Variants in MAP3K21 observed in about 807,000 individuals in gnomAD.
MAP3K21 encodes mitogen-activated protein kinase kinase kinase 21, also known as mitogen-activated protein kinase kinase kinase MLK4.
Under a neutral mutation model 86.1 loss-of-function variants are expected in MAP3K21, and 63 were observed. The observed-to-expected ratio is 0.73, with a 90% CI of 0.60 to 0.90. The LOEUF (loss-of-function observed/expected upper bound fraction) is 0.90. MAP3K21 is among the 40% of genes least tolerant of loss of function. MAP3K21 has a pLI of 0.00. For synonymous variants in MAP3K21, 558 were observed against 564.8 expected (o/e 0.99, Z 0.17); for missense variants, 1,220 against 1,367.7 (o/e 0.89, Z 1.70).
In MAP3K21 at chr1:233,328,097, C is replaced by T. The variant is rs1662728298; in HGVS notation, c.69C>T (p.Gly23=). The T allele has an allele frequency of 2.9e-6, 4 of 1,375,446 alleles. No individual in the cohort carries two copies. The highest frequency in any genetic ancestry group is 2.6e-4 in the Middle Eastern group (1 of 3,806). 85.2% of individuals were successfully genotyped at this position (1,375,446 alleles called of 1,614,324 possible). The change falls in exon 1 of 10, where the codon GGC becomes GGT. Residue 23 remains glycine (G), a synonymous_variant. Transcript: ENST00000366624. This position sits in a 1 kb window ranked among gnomAD's most constrained non-coding sequence, Gnocchi z 8.7. ...PVSSAGGAPG[G]SASSSSTSSG... The stretch of plus-strand genomic sequence containing the variant: ...CCTCGGCCGGGGGAGCCCCCGGCGG[C>T]TCAGCGTCCTCGTCGTCCACCTCCT...
Position 233,379,332 on chromosome 1 carries a change from C to T in MAP3K21, c.2326C>T (p.Pro776Ser). The T allele has an allele frequency of 6.2e-7, 1 of 1,614,198 alleles. No homozygotes were observed. Among genetic ancestry groups the T allele is most frequent in the Non-Finnish European group, 8.5e-7 (1 of 1,180,032 alleles). Residue 776 changes from proline to serine, a missense_variant, in exon 9 of 10, where the codon CCT (proline) becomes TCT (serine). Physicochemically the swap from Pro to Ser is moderately conservative, Grantham distance 74. Around this residue, in one of 5 missense-constraint regions of MAP3K21, gnomAD observed 632 missense variants for 691.3 expected, o/e 0.91. Coordinates refer to ENST00000366624, the MANE Select transcript of MAP3K21 (RefSeq NM_032435.3). The stretch of plus-strand genomic sequence containing the variant: ...TTCCAAGTCCCGCAGAAGCGCCAGT[C>T]CTCCCACAAGCCTGCCATCCACCTG... ...RASKSRRSAS[P>S]PTSLPSTCGE...
intron 1 of MAP3K21, among the ~76,000 whole-genome samples, chr1:233,329,704 A>G (rs1394272173): frequency 2.6e-5 from 4 of 152,148 alleles, no homozygotes; most frequent in Non-Finnish European, 4.4e-5. Context: ...TATTGGTTCA[A>G]TGGCTTCTTT....
chr1:233,353,713 T>C (rs905391517), intron 2 of MAP3K21, 94 bp from the exon 3 acceptor site: 78 of 1,186,380 alleles, frequency 6.6e-5, no homozygotes, highest in Admixed American at 4.4e-4. Flanking sequence ...CTATTAGGAA[T>C]GGATGAAGGT....
At chr1:233,354,196 A>G (rs1319107194) in intron 3 of MAP3K21, among the ~76,000 whole-genome samples, 1 of 152,142 alleles carries the variant, frequency 6.6e-6, no homozygotes, top group South Asian at 2.1e-4. Flanking sequence ...ATAAAACTCA[A>G]CTGAAAAGTA....
intron 1 of MAP3K21, among the ~76,000 whole-genome samples, chr1:233,345,864 G>T (rs536016423): frequency 6.6e-5 from 10 of 151,998 alleles, no homozygotes; most frequent in Non-Finnish European, 1.3e-4. Context: ...CTCTACATTG[G>T]CAGGAGGCTG....
At position 233,382,539 on chromosome 1, in the gene MAP3K21, C is replaced by G; in HGVS notation, c.2939C>G (p.Pro980Arg). 1 of 1,614,178 alleles carries G rather than the reference C, an allele frequency of 6.2e-7. No homozygotes were observed. Among genetic ancestry groups the G allele is most frequent in the Non-Finnish European group, 8.5e-7 (1 of 1,180,026 alleles). Residue 980 changes from proline to arginine, a missense_variant, in exon 10 of 10, where the codon CCA becomes CGA. Pro to Arg is a moderately radical substitution (Grantham distance 103). This residue lies in a region of MAP3K21 where 632 missense variants were observed against 691.3 expected (regional missense o/e 0.91). Transcript: ENST00000366624. ...QTACVVGRPGPHPTQFLAAKE... is the reference protein window; with the variant it reads ...QTACVVGRPGRHPTQFLAAKE... Reference sequence around the variant, plus strand: ...GCCTGTGTAGTGGGTCGCCCAGGACCACATCCCACCCAATTCCTCGCTGCC... The same window carrying G: ...GCCTGTGTAGTGGGTCGCCCAGGACGACATCCCACCCAATTCCTCGCTGCC...
Position 233,385,070 on chromosome 1 carries a change from G to C in MAP3K21, c.*2359G>C, listed in dbSNP as rs1257939578. On this transcript the variant is annotated 3_prime_UTR_variant, in exon 10 of 10. Coordinates refer to ENST00000366624, the MANE Select transcript of MAP3K21 (RefSeq NM_032435.3). Reference sequence around the variant, plus strand: ...TGGGCCTAATGTGCTGTATTATGAAGCCTTGTGACTGAAAAATATGTTTAC... The same window carrying C: ...TGGGCCTAATGTGCTGTATTATGAACCCTTGTGACTGAAAAATATGTTTAC... 1 of 152,180 alleles carries C rather than the reference G, an allele frequency of 6.6e-6. No homozygotes were observed. Among genetic ancestry groups the C allele is most frequent in the African/African-American group, 2.4e-5 (1 of 41,432 alleles). 9.4% of individuals were successfully genotyped at this position (152,180 alleles called of 1,614,324 possible).
intron 1 of MAP3K21, among the ~76,000 whole-genome samples, chr1:233,339,252 CTTCTTCTTCTTCT>C: frequency 1.4e-5 from 1 of 69,672 alleles, no homozygotes; most frequent in South Asian, 5.5e-4. Context: ...TCTTCTTCTT[CTTCTTCTTCTTCT>C]TCCTCTTCTT....
intron 4 of MAP3K21, among the ~76,000 whole-genome samples, chr1:233,355,446 T>C (rs1230653511): frequency 6.6e-6 from 1 of 152,170 alleles, no homozygotes; most frequent in African/African-American, 2.4e-5. Flanking sequence ...CTGTTGGAGA[T>C]TGTTTTGAGT....
chr1:233,382,494 T>C lies in MAP3K21; in HGVS notation c.2894T>C (p.Val965Ala). 1 of 1,614,128 alleles carries C rather than the reference T, an allele frequency of 6.2e-7. No individual in the cohort carries two copies. The highest frequency in any genetic ancestry group is 1.1e-5 in the South Asian group (1 of 91,086). ...CCTCAGGCTTACCCACAGACAGCAG[T>C]GTCTCAGCTGGCACAGACTGCCTGT... ...DLPQAYPQTA[V>A]SQLAQTACVV... The change falls in exon 10 of 10, where the codon GTG becomes GCG. Residue 965 changes from valine to alanine, a missense_variant. Around this residue, in one of 5 missense-constraint regions of MAP3K21, gnomAD observed 632 missense variants for 691.3 expected, o/e 0.91. Coordinates refer to ENST00000366624, the MANE Select transcript of MAP3K21 (RefSeq NM_032435.3).
intron 1 of MAP3K21, among the ~76,000 whole-genome samples, chr1:233,332,642 T>C (rs72751993): frequency 0.048 from 7,339 of 152,246 alleles, 207 homozygotes; most frequent in South Asian, 0.099. Flanking sequence ...GCAATGGAAG[T>C]ATTTTGCAGG....
chr1:233,367,464 C>T lies in MAP3K21; in HGVS notation c.1553-4574C>T, dbSNP rs941767567. ...CTAGTGAGTACAAAGAAAATCTGAG[C>T]ACAGGCCACAGGCATTTTAACAATT... On this transcript the variant is annotated intron_variant, in intron 5 of 9. Coordinates refer to ENST00000366624, the MANE Select transcript of MAP3K21 (RefSeq NM_032435.3). Among the ~76,000 whole-genome samples the T allele has an allele frequency of 5.2e-4, 79 of 152,206 alleles. 1 individual carries two copies. Among genetic ancestry groups the T allele is most frequent in the African/African-American group, 1.9e-3 (77 of 41,442 alleles).
At chr1:233,334,121 G>A (rs1342882267) in intron 1 of MAP3K21, among the ~76,000 whole-genome samples, 2 of 150,648 alleles carry the variant, frequency 1.3e-5, no homozygotes, top group African/African-American at 2.4e-5. Flanking sequence ...CGCCTCGGCC[G>A]CCCAAAGTAC....
chr1:233,366,059 A>G (rs1663567684), intron 5 of MAP3K21, among the ~76,000 whole-genome samples: 3 of 152,238 alleles, frequency 2.0e-5, no homozygotes, highest in South Asian at 4.1e-4. Context: ...ATGAGCCTGG[A>G]TGACATTATG....
intron 2 of MAP3K21, among the ~76,000 whole-genome samples, chr1:233,353,250 T>G (rs1425879473): frequency 1.3e-5 from 2 of 152,238 alleles, no homozygotes; most frequent in East Asian, 3.8e-4. Flanking sequence ...TGTTCTTTAC[T>G]GTTCAGCAAT....
chr1:233,357,126 C>T (rs1462715147), intron 4 of MAP3K21, among the ~76,000 whole-genome samples: 2 of 152,136 alleles, frequency 1.3e-5, no homozygotes, highest in Non-Finnish European at 2.9e-5. Context: ...GTAGACATAA[C>T]CATCATTCTC....
intron 1 of MAP3K21, among the ~76,000 whole-genome samples, chr1:233,332,562 C>T (rs1662828214): frequency 6.6e-6 from 1 of 152,136 alleles, no homozygotes; most frequent in Admixed American, 6.5e-5. Flanking sequence ...GAACGGACTG[C>T]AGTGGGCTCA....
chr1:233,342,098 T>A (rs1663048432), intron 1 of MAP3K21, among the ~76,000 whole-genome samples: 1 of 152,234 alleles, frequency 6.6e-6, no homozygotes, highest in Non-Finnish European at 1.5e-5. Context: ...CTGTAGGTAT[T>A]TATTTTTCTT....
chr1:233,354,632 C>T (rs1032052832), intron 3 of MAP3K21, among the ~76,000 whole-genome samples: 4 of 152,134 alleles, frequency 2.6e-5, no homozygotes, highest in African/African-American at 9.7e-5. Context: ...ATTATGCATG[C>T]CTGTGACATG....
Sources: gnomAD v4.1 joint callset for allele counts (sites outside exome capture counted in the v4.1 genomes callset) on GRCh38, gnomAD v4.1.1 for gene constraint, gnomAD v4.1.1 regional missense constraint, Gnocchi (gnomAD v3.1) non-coding constraint, MANE v1.5 for transcripts, NCBI Gene and HGNC (gene_info 2026-07-23, HGNC 2026-07-21) for gene names.